Variants in ANKHD1 observed in about 807,000 individuals in gnomAD.
The protein encoded by ANKHD1 is ankyrin repeat and KH domain containing 1, also known as ankyrin repeat and KH domain-containing protein 1.
A neutral mutation model predicts 230.5 loss-of-function variants in ANKHD1; 31 were observed. The ratio of observed to expected loss-of-function variants is 0.13; its 90% CI spans 0.10 to 0.18. ANKHD1 has a LOEUF of 0.18. Among genes scored for constraint, ANKHD1 ranks in the 10% least tolerant of loss-of-function variants. The pLI is 1.00. For synonymous variants in ANKHD1, 1,074 were observed against 1,117.6 expected (o/e 0.96, Z 0.78); for missense variants, 2,256 against 3,071.3 (o/e 0.73, Z 6.27).
chr5:140,462,371 ACTAT>A (rs1161996881), intron 9 of ANKHD1, among the ~76,000 whole-genome samples: 1 of 152,066 alleles, frequency 6.6e-6, no homozygotes, highest in Non-Finnish European at 1.5e-5. Context: ...TCCTTCCTTG[ACTAT>A]CTATAAAGAG....
chr5:140,458,984 A>ATATATATATG (rs1775474840), intron 8 of ANKHD1, 122 bp downstream of exon 8: 1 of 20,008 alleles, frequency 5.0e-5, no homozygotes, highest in African/African-American at 2.5e-4. Flanking sequence ...ATATATGCAT[A>ATATATATATG]TATATATATA....
At chr5:140,518,343 G>T (rs1265234678) in intron 24 of ANKHD1, among the ~76,000 whole-genome samples, 1 of 151,976 alleles carries the variant, frequency 6.6e-6, no homozygotes, top group Admixed American at 6.5e-5. Flanking sequence ...ATTCACAGCC[G>T]AATTCTACCA....
chr5:140,505,839 T>C lies in ANKHD1; in HGVS notation c.3378T>C (p.Leu1126=), dbSNP rs768719875. The C allele has an allele frequency of 1.9e-6, 3 of 1,602,144 alleles. No homozygotes were observed. In the African/African-American group the frequency reaches 4.1e-5, roughly 22 times the overall value. The change falls in exon 18 of 34, where the codon CTT becomes CTC. Residue 1126 remains leucine, a synonymous_variant. Coordinates refer to ENST00000360839, the MANE Select transcript of ANKHD1 (RefSeq NM_017747.3). ...CTGAACGAACTAAGGATACTCCGCT[T>C]TCATTGGCATGTTCTGGTGGACGTC... ...AQSERTKDTP[L]SLACSGGRQE...
chr5:140,500,293 A>G (rs1752229508), intron 15 of ANKHD1, among the ~76,000 whole-genome samples: 1 of 152,182 alleles, frequency 6.6e-6, no homozygotes, highest in African/African-American at 2.4e-5. Context: ...ACTTTATTTC[A>G]TGGGCTAATT....
intron 10 of ANKHD1, among the ~76,000 whole-genome samples, chr5:140,466,619 G>A (rs1776109513): frequency 6.6e-6 from 1 of 152,006 alleles, no homozygotes; most frequent in Non-Finnish European, 1.5e-5. Flanking sequence ...TGAACTTACC[G>A]TATTTACTTA....
chr5:140,429,235 A>G (rs1427448218), intron 1 of ANKHD1, among the ~76,000 whole-genome samples: 2 of 151,342 alleles, frequency 1.3e-5, no homozygotes, highest in Non-Finnish European at 2.9e-5. Context: ...CTGGGACTAC[A>G]GGCGCCTGCC....
intron 1 of ANKHD1, among the ~76,000 whole-genome samples, chr5:140,413,305 T>C (rs1001690068): frequency 5.3e-5 from 8 of 152,232 alleles, no homozygotes; most frequent in Non-Finnish European, 8.8e-5. Flanking sequence ...AAAATTGTGG[T>C]AGAATATGTA....
chr5:140,437,598 C>T (rs1400447055), intron 2 of ANKHD1, among the ~76,000 whole-genome samples: 2 of 152,100 alleles, frequency 1.3e-5, no homozygotes, highest in Non-Finnish European at 2.9e-5. Flanking sequence ...CCCAGCTACT[C>T]GAGAGGCTGA....
chr5:140,530,348 A>C (rs1160853883), intron 29 of ANKHD1, among the ~76,000 whole-genome samples: 3 of 152,068 alleles, frequency 2.0e-5, no homozygotes, highest in Non-Finnish European at 4.4e-5. Context: ...AGTAGCTGGG[A>C]CTACAGGCAT....
intron 14 of ANKHD1, 51 bp from the exon 15 acceptor site, chr5:140,496,461 CTTTTTTTT>C (rs770445733): frequency 1.2e-5 from 6 of 511,120 alleles, no homozygotes; most frequent in Admixed American, 8.5e-5. Context: ...TTTTTCTTTT[CTTTTTTTT>C]TTTTTTTTTT....
intron 7 of ANKHD1, among the ~76,000 whole-genome samples, chr5:140,457,396 G>A (rs1440766480): frequency 2.0e-5 from 3 of 152,122 alleles, no homozygotes; most frequent in Non-Finnish European, 4.4e-5. Flanking sequence ...TATAAAGACA[G>A]ATGCACACAT....
At chr5:140,436,637 T>C (rs997847109) in intron 2 of ANKHD1, among the ~76,000 whole-genome samples, 14 of 151,898 alleles carry the variant, frequency 9.2e-5, no homozygotes, top group Admixed American at 5.3e-4. Flanking sequence ...TCCCAGCTAC[T>C]CAGGCAGCTG....
chr5:140,451,612 G>C (rs920655180), intron 7 of ANKHD1, among the ~76,000 whole-genome samples: 1 of 152,076 alleles, frequency 6.6e-6, no homozygotes, highest in Non-Finnish European at 1.5e-5. Context: ...TGCTGAAGCA[G>C]TCCCTCTGCC....
In ANKHD1 at chr5:140,529,171, T is replaced by A. The variant is rs557785447; in HGVS notation, c.6225T>A (p.Ser2075Arg). The A allele has an allele frequency of 6.2e-7, 1 of 1,614,188 alleles. No individual in the cohort carries two copies. Among genetic ancestry groups the A allele is most frequent in the South Asian group, 1.1e-5 (1 of 91,086 alleles). Residue 2075 changes from serine to arginine, a missense_variant, in exon 29 of 34, where the codon AGT (serine) becomes AGA (arginine). By Grantham distance (110) the Ser-to-Arg change is moderately radical. Around this residue, in one of 13 missense-constraint regions of ANKHD1, gnomAD observed 778 missense variants for 966.5 expected, o/e 0.80. Coordinates refer to ENST00000360839, the MANE Select transcript of ANKHD1 (RefSeq NM_017747.3). The part of the protein sequence containing the change: ...HPSSSPTPTS[S>R]NTQEEAQPSS... Reference sequence around the variant, plus strand: ...CCAGTAGTCCCACTCCTACTTCCAGTAACACACAAGAGGAGGCACAGCCAT... The same window carrying A: ...CCAGTAGTCCCACTCCTACTTCCAGAAACACACAAGAGGAGGCACAGCCAT...
At chr5:140,490,638 C>T (rs370608991) in intron 14 of ANKHD1, among the ~76,000 whole-genome samples, 4 of 152,236 alleles carry the variant, frequency 2.6e-5, no homozygotes, top group East Asian at 3.9e-4. Flanking sequence ...AATGTAAATC[C>T]GTTGCCTTGT....
intron 29 of ANKHD1, chr5:140,532,745 G>T (rs1174807026): frequency 8.0e-6 from 3 of 376,730 alleles, no homozygotes; most frequent in Non-Finnish European, 1.6e-5. Flanking sequence ...TCTCAGTAAA[G>T]CTATTAAAAA....
chr5:140,537,210 A>T (rs1754125649), intron 30 of ANKHD1, 179 bp from the exon 31 acceptor site: 1 of 1,098,794 alleles, frequency 9.1e-7, no homozygotes, highest in Non-Finnish European at 1.2e-6. Flanking sequence ...TTTTATTTGA[A>T]TGTTCTTTTA....
At chr5:140,518,285 G>A (rs1352455187) in intron 24 of ANKHD1, among the ~76,000 whole-genome samples, 2 of 152,040 alleles carry the variant, frequency 1.3e-5, no homozygotes, top group African/African-American at 4.8e-5. Flanking sequence ...CTGAAATTGT[G>A]GCAATAATCA....
In ANKHD1 at chr5:140,445,959, A is replaced by G. The variant is rs1447798683; in HGVS notation, c.1131A>G (p.Thr377=). 1.2e-6 allele frequency: 2 copies of G among 1,601,494 alleles called. No individual in the cohort carries two copies. The highest frequency in any genetic ancestry group is 1.7e-6 in the Non-Finnish European group (2 of 1,173,004). ...ATGAATTCAAAGAAAGTGCTCTAAC[A>G]CTTGCTTGCTACAAAGGTACTTAAT... The part of the protein sequence containing the change: ...HSNEFKESAL[T]LACYKGHLDM... Residue 377 remains threonine (T), a synonymous_variant, in exon 6 of 34, where the codon ACA becomes ACG. Transcript: ENST00000360839.
Sources: allele counts gnomAD v4.1 joint callset (sites outside exome capture counted in the v4.1 genomes callset), GRCh38; gene constraint gnomAD v4.1.1; regional missense constraint gnomAD v4.1.1; transcripts MANE v1.5; gene names NCBI Gene and HGNC (gene_info 2026-07-23, HGNC 2026-07-21).